The following PRL variants were observed in gnomAD, a reference collection of about 807,000 sequenced individuals.
The protein encoded by PRL is decidual prolactin.
A neutral mutation model predicts 21.3 loss-of-function variants in PRL; 24 were observed. The ratio of observed to expected loss-of-function variants is 1.13; its 90% CI spans 0.82 to 1.59. The LOEUF (loss-of-function observed/expected upper bound fraction) is 1.59, where lower values mean the gene tolerates loss of function less well. Ranked by LOEUF, PRL falls within the 40% of genes most tolerant of loss-of-function variation. The pLI is 0.00. For synonymous variants in PRL, 118 were observed against 115.7 expected (o/e 1.02, Z -0.13); for missense variants, 243 against 286.9 (o/e 0.85, Z 1.10).
rs368247408 is a variant in PRL, at chr6:22,290,357, C to A, written c.313-4G>T. The A allele has an allele frequency of 8.2e-6, 13 of 1,579,354 alleles. No individual in the cohort carries two copies. In the South Asian group the frequency reaches 1.4e-4, roughly 17 times the overall value. Reference sequence around the variant, plus strand: ...TCAGGCTCAGAAAGTCTTTTTGCTACGAAACCATATAGAACAATTGCATTA... The same window carrying A: ...TCAGGCTCAGAAAGTCTTTTTGCTAAGAAACCATATAGAACAATTGCATTA... On this transcript the variant is annotated splice_region_variant and splice_polypyrimidine_tract_variant and intron_variant, in intron 3 of 4. Transcript: ENST00000306482.
At chr6:22,290,087 C>G (rs904105404) in intron 4 of PRL, 87 bp downstream of exon 4, 7 of 1,308,900 alleles carry the variant, frequency 5.3e-6, no homozygotes, top group Admixed American at 5.0e-5. Context: ...GCCTAAATTT[C>G]CTTCTTTCAA....
chr6:22,287,603 CA>C lies in PRL; in HGVS notation c.493-11del, dbSNP rs758194269. ...TGGTTTCAGGATGAACCTAATCACA[CA>C]AAAAAAGAGTGACTTATTCTTCATA... On this transcript the variant is annotated splice_polypyrimidine_tract_variant and intron_variant, in intron 4 of 4. Transcript: ENST00000306482. 5.7e-6 allele frequency: 9 copies of C among 1,566,424 alleles called. No homozygotes were observed. Among genetic ancestry groups the C allele is most frequent in the East Asian group, 4.5e-5 (2 of 44,034 alleles).
At chr6:22,297,073 T>C, upstream of PRL, 1 of 1,336,752 alleles carries the variant, frequency 7.5e-7, no homozygotes, top group Non-Finnish European at 1.1e-6. Context: ...TTATAAACCT[T>C]TGATATCTTC....
At chr6:22,299,590 C>G (rs921055551), upstream of PRL, among the ~76,000 whole-genome samples, 4 of 152,174 alleles carry the variant, frequency 2.6e-5, no homozygotes, top group African/African-American at 9.7e-5. Flanking sequence ...CCTGTAATCC[C>G]AGCACTTTGG....
upstream of PRL, among the ~76,000 whole-genome samples, chr6:22,301,670 T>C (rs1761284207): frequency 6.6e-6 from 1 of 152,200 alleles, no homozygotes; most frequent in Non-Finnish European, 1.5e-5. Context: ...ATGCTACCCT[T>C]CAAATCCAGC....
Position 22,290,221 on chromosome 6 carries a change from C to T in PRL, c.445G>A (p.Glu149Lys), listed in dbSNP as rs1227934360. ...AILSKAVEIE[E>K]QTKRLLEGME... is the part of the protein sequence containing the mutation. ...CCCTCTAGAAGCCGTTTGGTTTGCTCCTCAATCTCTACAGCTTTGGATAGG... is the reference window on the plus strand; with the variant it reads ...CCCTCTAGAAGCCGTTTGGTTTGCTTCTCAATCTCTACAGCTTTGGATAGG... The change falls in exon 4 of 5, where the codon GAG becomes AAG. Residue 149 changes from glutamate (E) to lysine (K), a missense_variant. By Grantham distance (56) the Glu-to-Lys change is moderately conservative. Coordinates refer to ENST00000306482, the MANE Select transcript of PRL (RefSeq NM_000948.6). The T allele has an allele frequency of 6.2e-7, 1 of 1,606,458 alleles. No individual in the cohort carries two copies. The highest frequency in any genetic ancestry group is 2.2e-5 in the East Asian group (1 of 44,836).
At chr6:22,300,506 A>G (rs749760522), upstream of PRL, among the ~76,000 whole-genome samples, 1 of 152,192 alleles carries the variant, frequency 6.6e-6, no homozygotes, top group Non-Finnish European at 1.5e-5. Flanking sequence ...CTGCCTGCCC[A>G]CTTTGCAGAG....
In PRL at chr6:22,287,514, G is replaced by A; in HGVS notation, c.572C>T (p.Ser191Phe). 3 of 1,614,146 alleles carry A rather than the reference G, an allele frequency of 1.9e-6. No homozygotes were observed. The highest frequency in any genetic ancestry group is 1.7e-6 in the Non-Finnish European group (2 of 1,179,978). The change falls in exon 5 of 5, where the codon TCT becomes TTT. Residue 191 changes from serine to phenylalanine, a missense_variant. Transcript: ENST00000306482. ...LPSLQMADEE[S>F]RLSAYYNLLH... The stretch of plus-strand genomic sequence containing the variant: ...CAGGTTATAATAAGCAGAAAGGCGA[G>A]ACTCTTCATCAGCCATCTGCAGGGA...
upstream of PRL, among the ~76,000 whole-genome samples, chr6:22,301,757 T>G (rs1029590210): frequency 4.0e-5 from 6 of 151,722 alleles, no homozygotes; most frequent in African/African-American, 1.5e-4. Context: ...ATCTGCTTAG[T>G]TTTTTTTTCT....
upstream of PRL, among the ~76,000 whole-genome samples, chr6:22,298,511 A>G (rs78313803): frequency 0.041 from 6,221 of 152,234 alleles, 182 homozygotes; most frequent in Non-Finnish European, 0.061. Context: ...CAATTATCTG[A>G]CTAAGTGCTC....
At chr6:22,291,324 T>C (rs1310764290) in intron 3 of PRL, among the ~76,000 whole-genome samples, 1 of 152,182 alleles carries the variant, frequency 6.6e-6, no homozygotes, top group Admixed American at 6.5e-5. Context: ...TTGAATAGAA[T>C]GAAGCCCAGG....
At chr6:22,293,639 G>GAAAA (rs1561755425) in intron 2 of PRL, among the ~76,000 whole-genome samples, 309 of 28,462 alleles carry the variant, frequency 0.011, 1 homozygote, top group East Asian at 0.034. Flanking sequence ...AGGAAGGAAG[G>GAAAA]AAGGAAGGAA....
chr6:22,301,206 T>C (rs879629710), upstream of PRL, among the ~76,000 whole-genome samples: 1 of 152,226 alleles, frequency 6.6e-6, no homozygotes, highest in Non-Finnish European at 1.5e-5. Flanking sequence ...TCAATTGGTC[T>C]ATCTATCTAC....
At chr6:22,296,000 A>C (rs1263672593) in intron 1 of PRL, among the ~76,000 whole-genome samples, 2 of 152,244 alleles carry the variant, frequency 1.3e-5, no homozygotes, top group Non-Finnish European at 2.9e-5. Context: ...TTTTTCAAAA[A>C]CATGATTCTT....
chr6:22,296,751 A>G (rs1175517432), intron 1 of PRL, among the ~76,000 whole-genome samples: 2 of 152,204 alleles, frequency 1.3e-5, no homozygotes, highest in Admixed American at 6.5e-5. Context: ...GACATTGCCA[A>G]ATGCCTCTGA....
chr6:22,299,677 A>G (rs1761247640), upstream of PRL, among the ~76,000 whole-genome samples: 1 of 152,006 alleles, frequency 6.6e-6, no homozygotes, highest in Non-Finnish European at 1.5e-5. Context: ...TGTATCTACT[A>G]AAAATACAAA....
At chr6:22,301,251 G>A (rs938688431), upstream of PRL, among the ~76,000 whole-genome samples, 1 of 152,058 alleles carries the variant, frequency 6.6e-6, no homozygotes, top group East Asian at 1.9e-4. Context: ...ATCTCTTATT[G>A]TTATCTAATA....
upstream of PRL, among the ~76,000 whole-genome samples, chr6:22,302,375 G>C (rs1343803845): frequency 6.6e-6 from 1 of 151,312 alleles, no homozygotes; most frequent in Non-Finnish European, 1.5e-5. Context: ...TTAGGAGGCA[G>C]AATAAAATCA....
intron 2 of PRL, 65 bp from the exon 3 acceptor site, chr6:22,292,710 A>C (rs1761077208): frequency 1.6e-6 from 2 of 1,282,984 alleles, no homozygotes; most frequent in African/African-American, 3.0e-5. Flanking sequence ...TGAATCCATT[A>C]GCAGAATACT....
Sources: allele counts gnomAD v4.1 joint callset (sites outside exome capture counted in the v4.1 genomes callset), GRCh38; gene constraint gnomAD v4.1.1; transcripts MANE v1.5; gene names NCBI Gene and HGNC (gene_info 2026-07-23, HGNC 2026-07-21).